Variants in NRG3 observed in about 807,000 individuals in gnomAD.
The protein encoded by NRG3 is pro-neuregulin-3, membrane-bound isoform.
In NRG3, 31 loss-of-function variants were observed where a neutral mutation model predicts 66.9. The ratio of observed to expected loss-of-function variants is 0.46; its 90% CI spans 0.35 to 0.63. The LOEUF is 0.63. NRG3 is among the 20% of genes least tolerant of loss of function. The pLI, the probability that NRG3 is intolerant of heterozygous loss-of-function variation, is 0.00. For synonymous variants in NRG3, 393 were observed against 359.4 expected, an observed-to-expected ratio of 1.09 and a Z score of -1.06; for missense variants, 910 against 878.9, an observed-to-expected ratio of 1.04 and a Z score of -0.45.
chr10:82,089,433 A>G (rs1279659399), intron 1 of NRG3, among the ~76,000 whole-genome samples: 1 of 152,068 alleles, frequency 6.6e-6, no homozygotes, highest in Non-Finnish European at 1.5e-5. Flanking sequence ...TCTTTGCATG[A>G]TATGGAGATG....
At chr10:82,823,009 G>T (rs558746292) in intron 3 of NRG3, among the ~76,000 whole-genome samples, 1 of 152,310 alleles carries the variant, frequency 6.6e-6, no homozygotes, top group African/African-American at 2.4e-5. Context: ...GTTGTAGAGT[G>T]CTAGCCTCAT....
intron 1 of NRG3, among the ~76,000 whole-genome samples, chr10:82,188,006 A>G (rs896996107): frequency 4.6e-5 from 7 of 152,156 alleles, no homozygotes; most frequent in African/African-American, 1.7e-4. Context: ...GAGAATAGCT[A>G]AAGCTATCCT....
At chr10:82,659,458 A>G (rs574387780) in intron 2 of NRG3, among the ~76,000 whole-genome samples, 1 of 152,182 alleles carries the variant, frequency 6.6e-6, no homozygotes, top group East Asian at 1.9e-4. Flanking sequence ...TCGAGGCCAC[A>G]TGGTGAAACC....
intron 2 of NRG3, among the ~76,000 whole-genome samples, chr10:82,695,468 A>G (rs1462193113): frequency 6.6e-6 from 1 of 152,132 alleles, no homozygotes; most frequent in Non-Finnish European, 1.5e-5. Context: ...CTCATATGTT[A>G]AGAGAGAAAA....
At chr10:82,906,049 G>C (rs954899026) in intron 4 of NRG3, among the ~76,000 whole-genome samples, 1 of 152,126 alleles carries the variant, frequency 6.6e-6, no homozygotes, top group Non-Finnish European at 1.5e-5. Flanking sequence ...TCTGCACCCA[G>C]CTACGTGCTA....
At chr10:82,582,190 G>T (rs1019464728) in intron 2 of NRG3, among the ~76,000 whole-genome samples, 1 of 152,016 alleles carries the variant, frequency 6.6e-6, no homozygotes, top group Non-Finnish European at 1.5e-5. Context: ...CTACGAACAG[G>T]GTGGATTCTT....
intron 3 of NRG3, among the ~76,000 whole-genome samples, chr10:82,861,525 G>A (rs1454913659): frequency 6.6e-6 from 1 of 152,046 alleles, no homozygotes; most frequent in Admixed American, 6.6e-5. Flanking sequence ...ATTCAGATTG[G>A]CCCTCCATTA....
intron 2 of NRG3, among the ~76,000 whole-genome samples, chr10:82,626,337 G>A (rs661469): frequency 0.83 from 126,913 of 152,080 alleles, 53,089 homozygotes; most frequent in Middle Eastern, 0.89. Context: ...ATAACCTACC[G>A]GCTGTATGGA....
intron 2 of NRG3, among the ~76,000 whole-genome samples, chr10:82,650,217 T>C (rs1312845368): frequency 6.6e-6 from 1 of 152,228 alleles, no homozygotes; most frequent in Non-Finnish European, 1.5e-5. Context: ...TTACAGGCCA[T>C]GTAGTATATT....
chr10:82,430,496 A>T (rs1453350107), intron 2 of NRG3, among the ~76,000 whole-genome samples: 1 of 152,082 alleles, frequency 6.6e-6, no homozygotes, highest in African/African-American at 2.4e-5. Context: ...TGACCTCATG[A>T]TCCACCTGCC....
chr10:82,388,322 T>A (rs2086140384), intron 2 of NRG3, among the ~76,000 whole-genome samples: 1 of 152,198 alleles, frequency 6.6e-6, no homozygotes, highest in African/African-American at 2.4e-5. Flanking sequence ...AAAATGTAAC[T>A]ATTTACGTAA....
At chr10:81,901,496 C>T (rs894364631) in intron 1 of NRG3, among the ~76,000 whole-genome samples, 3 of 151,912 alleles carry the variant, frequency 2.0e-5, no homozygotes, top group Non-Finnish European at 4.4e-5. Flanking sequence ...AGCGAGATGC[C>T]GTCTCTACAA....
intron 3 of NRG3, among the ~76,000 whole-genome samples, chr10:82,860,751 T>C (rs2064080701): frequency 6.6e-6 from 1 of 152,244 alleles, no homozygotes; most frequent in African/African-American, 2.4e-5. Flanking sequence ...CAAACATATG[T>C]ATGTCATAGA....
intron 1 of NRG3, among the ~76,000 whole-genome samples, chr10:82,161,973 C>G (rs1429203140): frequency 6.6e-6 from 1 of 152,132 alleles, no homozygotes; most frequent in Non-Finnish European, 1.5e-5. Context: ...GCCCATCACT[C>G]TTGATCATTC....
intron 1 of NRG3, among the ~76,000 whole-genome samples, chr10:82,313,656 C>CCCAGACCACA (rs6144004): frequency 0.48 from 72,758 of 151,530 alleles, 20,969 homozygotes; most frequent in African/African-American, 0.81. Context: ...GGACCTCATT[C>CCCAGACCACA]CCAGGTCAGA....
At chr10:82,713,154 A>G (rs984145722) in intron 2 of NRG3, among the ~76,000 whole-genome samples, 1 of 151,332 alleles carries the variant, frequency 6.6e-6, no homozygotes, top group Non-Finnish European at 1.5e-5. Context: ...AAAATCATAA[A>G]AGACAGGCAA....
rs533273079 is a variant in NRG3 at position 81,978,008 on chromosome 10, C to T, written c.823+101845C>T. Among the ~76,000 whole-genome samples, 5 of 152,210 alleles carry T rather than the reference C, an allele frequency of 3.3e-5. No individual in the cohort carries two copies. The South Asian group carries it at 8.3e-4, about 25-fold the overall frequency. On this transcript the variant is annotated intron_variant, in intron 1 of 8. Coordinates refer to ENST00000372141, the MANE Select transcript of NRG3 (RefSeq NM_001010848.4). ...CAATTAGTATTTTCGTCATCTCAAA[C>T]ATTTGTTATTTCTTTCTGTTGGAAA...
At chr10:82,348,782 T>C (rs1422927469) in intron 1 of NRG3, among the ~76,000 whole-genome samples, 1 of 151,756 alleles carries the variant, frequency 6.6e-6, no homozygotes, top group Non-Finnish European at 1.5e-5. Context: ...TATTCTTTTT[T>C]CTCTAAACTT....
chr10:82,543,507 A>G (rs2043689023), intron 2 of NRG3, among the ~76,000 whole-genome samples: 1 of 152,206 alleles, frequency 6.6e-6, no homozygotes, highest in African/African-American at 2.4e-5. Context: ...CTCCTATTAA[A>G]GAAAACTAAA....
Sources: allele counts gnomAD v4.1 joint callset (sites outside exome capture counted in the v4.1 genomes callset), GRCh38; gene constraint gnomAD v4.1.1; transcripts MANE v1.5; gene names NCBI Gene and HGNC (gene_info 2026-07-23, HGNC 2026-07-21).